MPPED1: variants seen among roughly 807,000 people sequenced by gnomAD.
The protein encoded by MPPED1 is metallophosphoesterase domain containing 1.
Under a neutral mutation model 36.2 loss-of-function variants are expected in MPPED1, and 16 were observed. The ratio of observed to expected loss-of-function variants is 0.44; its 90% CI spans 0.30 to 0.67. MPPED1 has a LOEUF of 0.67. MPPED1 is among the 30% of genes least tolerant of loss of function. MPPED1 has a pLI of 0.10. For missense variants in MPPED1, 307 were observed against 453.4 expected (o/e 0.68, Z 2.93); for synonymous variants, 199 against 191.3 (o/e 1.04, Z -0.33).
At chr22:43,491,698 T>C (rs1932099402) in intron 4 of MPPED1, among the ~76,000 whole-genome samples, 1 of 147,798 alleles carries the variant, frequency 6.8e-6, no homozygotes, top group African/African-American at 2.6e-5. Flanking sequence ...GAGGTGGTGG[T>C]GGTGATGGAG....
At chr22:43,420,258 T>A (rs1929218628) in intron 1 of MPPED1, among the ~76,000 whole-genome samples, 1 of 152,174 alleles carries the variant, frequency 6.6e-6, no homozygotes, top group Non-Finnish European at 1.5e-5. Context: ...GGCAGAAGCA[T>A]GCCAGTGACC....
intron 4 of MPPED1, among the ~76,000 whole-genome samples, chr22:43,497,070 A>AGGT (rs1555904441): frequency 3.6e-5 from 3 of 84,466 alleles, no homozygotes; most frequent in East Asian, 4.3e-4. Context: ...GTGGTGGTGG[A>AGGT]GGTGGTGGTG....
At chr22:43,475,687 T>C (rs1335005370) in intron 4 of MPPED1, among the ~76,000 whole-genome samples, 5 of 136,234 alleles carry the variant, frequency 3.7e-5, no homozygotes, top group Admixed American at 2.2e-4. Context: ...GATGTGGTGA[T>C]GGTGATGATG....
intron 3 of MPPED1, among the ~76,000 whole-genome samples, chr22:43,442,278 T>C (rs957011216): frequency 6.6e-6 from 1 of 151,852 alleles, no homozygotes; most frequent in African/African-American, 2.4e-5. Context: ...TCTTTATTTT[T>C]CCCCTCCCTT....
chr22:43,474,210 G>A lies in MPPED1; in HGVS notation c.407-526G>A, dbSNP rs1029277740. Among the ~76,000 whole-genome samples, 15 of 152,174 alleles carry A rather than the reference G, an allele frequency of 9.9e-5. No individual in the cohort carries two copies. The highest frequency in any genetic ancestry group is 2.1e-4 in the South Asian group (1 of 4,820). On this transcript the variant is annotated intron_variant, in intron 3 of 6. Transcript: ENST00000443721. The surrounding 1 kb of genome is among the most constrained non-coding windows in gnomAD (Gnocchi z 5.2). ...TGACAGCTAGGGCTGGGGATGCAGCGTGGGGGTCTTCTTCCAGTAGAAAAC... is the reference window on the plus strand; with the variant it reads ...TGACAGCTAGGGCTGGGGATGCAGCATGGGGGTCTTCTTCCAGTAGAAAAC...
intron 3 of MPPED1, among the ~76,000 whole-genome samples, chr22:43,472,456 A>T (rs1243501485): frequency 6.6e-6 from 1 of 152,208 alleles, no homozygotes; most frequent in African/African-American, 2.4e-5. Context: ...GGCACAGGGA[A>T]GCTAAGTCGT....
intron 6 of MPPED1, among the ~76,000 whole-genome samples, chr22:43,503,912 C>T (rs960172786): frequency 7.2e-5 from 11 of 152,216 alleles, no homozygotes; most frequent in African/African-American, 1.2e-4. Flanking sequence ...CCCAGCACCA[C>T]GCAGGGAAGG....
intron 2 of MPPED1, among the ~76,000 whole-genome samples, chr22:43,434,612 A>G (rs1257345812): frequency 1.3e-5 from 2 of 152,222 alleles, no homozygotes; most frequent in African/African-American, 4.8e-5. Flanking sequence ...GCCGTACTAA[A>G]GCTTCATGGG....
intron 4 of MPPED1, among the ~76,000 whole-genome samples, chr22:43,496,509 T>C (rs1218346046): frequency 3.9e-5 from 2 of 50,772 alleles, no homozygotes; most frequent in Non-Finnish European, 6.6e-5. Flanking sequence ...GTAGTGGTGG[T>C]GGAGATGGTG....
intron 3 of MPPED1, among the ~76,000 whole-genome samples, chr22:43,463,819 C>CTTTTTTTTTTTTTT (rs1480549521): frequency 1.2e-5 from 1 of 83,464 alleles, no homozygotes; most frequent in Non-Finnish European, 2.7e-5. Flanking sequence ...TTCTTTCTTT[C>CTTTTTTTTTTTTTT]TTTCTTTCTT....
chr22:43,468,052 T>C (rs1931234896), intron 3 of MPPED1, among the ~76,000 whole-genome samples: 1 of 152,216 alleles, frequency 6.6e-6, no homozygotes, highest in African/African-American at 2.4e-5. Flanking sequence ...TGTTGCAATG[T>C]GGAATCTGTG....
chr22:43,495,639 A>T (rs1326534055), intron 4 of MPPED1, among the ~76,000 whole-genome samples: 11 of 54,660 alleles, frequency 2.0e-4, no homozygotes, highest in South Asian at 7.0e-4. Context: ...GTGGTGGTGG[A>T]GGTGATGGTG....
intron 1 of MPPED1, among the ~76,000 whole-genome samples, chr22:43,412,508 A>G (rs1014635628): frequency 2.6e-5 from 4 of 152,114 alleles, no homozygotes; most frequent in African/African-American, 9.7e-5. Flanking sequence ...AGTGGTAACA[A>G]TAGCAGCCCC....
chr22:43,414,737 T>G (rs1929018096), intron 1 of MPPED1, among the ~76,000 whole-genome samples: 1 of 151,996 alleles, frequency 6.6e-6, no homozygotes, highest in South Asian at 2.1e-4. Context: ...CGCCCCTCCC[T>G]CACCGGGAAC....
At position 43,505,581 on chromosome 22, in the gene MPPED1, A is replaced by G. The variant is rs375436932; in HGVS notation, c.946A>G (p.Ile316Val). Reference protein sequence around the residue: ...TVNYQPVNPPIVIDLPTPRNS With the variant: ...TVNYQPVNPPVVIDLPTPRNS ...GAACTACCAGCCCGTGAACCCGCCC[A>G]TAGTCATCGACCTCCCCACACCCCG... Residue 316 changes from isoleucine to valine, a missense_variant, in exon 7 of 7, where the codon ATA (isoleucine) becomes GTA (valine). By Grantham distance (29) the Ile-to-Val change is conservative (BLOSUM62 3). Coordinates refer to ENST00000443721, the MANE Select transcript of MPPED1 (RefSeq NM_001044370.2). 1.2e-5 allele frequency: 19 copies of G among 1,612,354 alleles called. No homozygotes were observed. Among genetic ancestry groups the G allele is most frequent in the Non-Finnish European group, 1.4e-5 (17 of 1,179,402 alleles).
chr22:43,489,812 C>T (rs1396101106), intron 4 of MPPED1, among the ~76,000 whole-genome samples: 1 of 152,206 alleles, frequency 6.6e-6, no homozygotes, highest in Non-Finnish European at 1.5e-5. Flanking sequence ...AGCCGCTGCA[C>T]CCGGCCCCTG....
chr22:43,480,523 T>C (rs1012594995), intron 4 of MPPED1, among the ~76,000 whole-genome samples: 1 of 152,210 alleles, frequency 6.6e-6, no homozygotes, highest in Non-Finnish European at 1.5e-5. Flanking sequence ...TGCTCAAGTC[T>C]TTTGTCCATT....
At chr22:43,500,949 G>A (rs920501700) in intron 5 of MPPED1, among the ~76,000 whole-genome samples, 1 of 152,054 alleles carries the variant, frequency 6.6e-6, no homozygotes, top group African/African-American at 2.4e-5. Flanking sequence ...GAGGCCATGG[G>A]GGAGGGTGTG....
chr22:43,488,188 A>G (rs1931971769), intron 4 of MPPED1, among the ~76,000 whole-genome samples: 2 of 151,928 alleles, frequency 1.3e-5, no homozygotes, highest in South Asian at 4.2e-4. Flanking sequence ...GGCGGCCCCT[A>G]CGCCGCCCTC....
Sources: gnomAD v4.1 joint callset for allele counts (sites outside exome capture counted in the v4.1 genomes callset) on GRCh38, gnomAD v4.1.1 for gene constraint, Gnocchi (gnomAD v3.1) non-coding constraint, MANE v1.5 for transcripts, NCBI Gene and HGNC (gene_info 2026-07-23, HGNC 2026-07-21) for gene names.